IQGAP1: variants seen among roughly 807,000 people sequenced by gnomAD.
IQGAP1 encodes IQ motif containing GTPase activating protein 1.
Under a neutral mutation model 215.6 loss-of-function variants are expected in IQGAP1, and 66 were observed. That is an observed-to-expected ratio of 0.31 (90% confidence interval 0.25 to 0.38). IQGAP1 has a LOEUF of 0.38. IQGAP1 is among the 10% of genes least tolerant of loss of function. The pLI, the probability that IQGAP1 is intolerant of heterozygous loss-of-function variation, is 1.00. For synonymous variants in IQGAP1, 772 were observed against 728.7 expected, an observed-to-expected ratio of 1.06 and a Z score of -0.96; for missense variants, 1,712 against 1,997.1, an observed-to-expected ratio of 0.86 and a Z score of 2.72.
intron 22 of IQGAP1, 88 bp downstream of exon 22, chr15:90,474,221 C>T (rs926314119): frequency 3.3e-6 from 4 of 1,218,350 alleles, no homozygotes; most frequent in Non-Finnish European, 4.6e-6. Flanking sequence ...TTTTGTTATC[C>T]TGAAGGCAAG....
At chr15:90,488,167 G>A (rs1336750476) in intron 33 of IQGAP1, among the ~76,000 whole-genome samples, 3 of 152,144 alleles carry the variant, frequency 2.0e-5, no homozygotes, top group African/African-American at 7.2e-5. Flanking sequence ...CCTGCATTGA[G>A]CCAAGATCGC....
chr15:90,415,827 G>C (rs1014115714), intron 2 of IQGAP1, among the ~76,000 whole-genome samples: 4 of 152,134 alleles, frequency 2.6e-5, no homozygotes, highest in African/African-American at 9.7e-5. Flanking sequence ...TGTCGTCCAT[G>C]CTGCTGTCCA....
chr15:90,460,659 G>C (rs563533172), intron 15 of IQGAP1, among the ~76,000 whole-genome samples: 23 of 152,168 alleles, frequency 1.5e-4, no homozygotes, highest in African/African-American at 5.3e-4. Context: ...TGTTTTTCTT[G>C]AATGCATTCT....
At chr15:90,426,953 CAAAA>C (rs56984277) in intron 3 of IQGAP1, among the ~76,000 whole-genome samples, 4 of 93,884 alleles carry the variant, frequency 4.3e-5, no homozygotes, top group Admixed American at 1.3e-4. Flanking sequence ...GACTCCATCT[CAAAA>C]AAAAAAAAAA....
At chr15:90,477,990 T>C in intron 26 of IQGAP1, 101 bp downstream of exon 26, 1 of 758,816 alleles carries the variant, frequency 1.3e-6, no homozygotes, top group Non-Finnish European at 2.1e-6. Flanking sequence ...CAAATAGTTT[T>C]TCTTTTCTTT....
chr15:90,465,901 C>A, intron 15 of IQGAP1, 100 bp from the exon 16 acceptor site: 1 of 904,874 alleles, frequency 1.1e-6, no homozygotes, highest in Non-Finnish European at 1.8e-6. Context: ...TAAGCCTGTT[C>A]TTCCATATTT....
chr15:90,499,307 T>A (rs1200028207), intron 37 of IQGAP1, among the ~76,000 whole-genome samples: 1 of 152,226 alleles, frequency 6.6e-6, no homozygotes, highest in Non-Finnish European at 1.5e-5. Context: ...TCATTTAACA[T>A]CTCTGAGTCT....
At chr15:90,421,680 A>G (rs1293993455) in intron 2 of IQGAP1, among the ~76,000 whole-genome samples, 5 of 152,154 alleles carry the variant, frequency 3.3e-5, no homozygotes, top group African/African-American at 9.7e-5. Context: ...AGGAGAATGA[A>G]TTCAGCCAGG....
intron 34 of IQGAP1, among the ~76,000 whole-genome samples, chr15:90,491,979 T>G (rs1966211942): frequency 6.6e-6 from 1 of 152,228 alleles, no homozygotes; most frequent in Admixed American, 6.5e-5. Context: ...TGGTAGTTGA[T>G]GTATTATAGT....
chr15:90,421,714 A>G (rs2151011990), intron 2 of IQGAP1, among the ~76,000 whole-genome samples: 1 of 152,320 alleles, frequency 6.6e-6, no homozygotes, highest in Non-Finnish European at 1.5e-5. Context: ...CTTTTAAGAC[A>G]GAGACTTGCT....
intron 3 of IQGAP1, 146 bp downstream of exon 3, chr15:90,426,412 G>A: frequency 1.2e-6 from 1 of 839,336 alleles, no homozygotes. Flanking sequence ...GCAGAATGGA[G>A]AAATTTGTGC....
chr15:90,468,063 TG>T (rs1965856108), intron 18 of IQGAP1, among the ~76,000 whole-genome samples: 1 of 149,296 alleles, frequency 6.7e-6, no homozygotes, highest in Non-Finnish European at 1.5e-5. Context: ...TTTGTTTGTT[TG>T]TTTGTTTTTT....
intron 15 of IQGAP1, among the ~76,000 whole-genome samples, chr15:90,460,378 A>C (rs1965744701): frequency 1.3e-5 from 2 of 151,726 alleles, no homozygotes; most frequent in Admixed American, 1.3e-4. Context: ...CTCATTCTCC[A>C]GCTTTTCCTT....
chr15:90,490,061 A>T (rs868794039), intron 33 of IQGAP1, among the ~76,000 whole-genome samples: 1 of 152,150 alleles, frequency 6.6e-6, no homozygotes, highest in Non-Finnish European at 1.5e-5. Context: ...TTGACATTAG[A>T]AAAAAGGGGA....
chr15:90,469,231 G>C (rs1287640303), intron 18 of IQGAP1, among the ~76,000 whole-genome samples: 1 of 151,982 alleles, frequency 6.6e-6, no homozygotes, highest in African/African-American at 2.4e-5. Context: ...TAGGTCGTTA[G>C]ACATATTACT....
intron 37 of IQGAP1, 71 bp from the exon 38 acceptor site, chr15:90,499,924 T>C: frequency 9.7e-7 from 1 of 1,030,780 alleles, no homozygotes; most frequent in Non-Finnish European, 1.5e-6. Flanking sequence ...CATTGTGTCC[T>C]TTTTCCTTGT....
chr15:90,428,801 A>G (rs575353684), intron 3 of IQGAP1, among the ~76,000 whole-genome samples: 1 of 152,260 alleles, frequency 6.6e-6, no homozygotes, highest in South Asian at 2.1e-4. Flanking sequence ...TGTTTCAAAA[A>G]AAAGCAGACA....
At chr15:90,433,050 C>T (rs1965324068) in intron 4 of IQGAP1, among the ~76,000 whole-genome samples, 1 of 152,120 alleles carries the variant, frequency 6.6e-6, no homozygotes. Flanking sequence ...GCCCTGCCTT[C>T]GTGTGGCTTA....
Position 90,495,574 on chromosome 15 carries a change from C to T in IQGAP1, c.4751+739C>T, listed in dbSNP as rs376043463. On this transcript the variant is annotated intron_variant, in intron 36 of 37. Transcript: ENST00000268182. The stretch of plus-strand genomic sequence containing the variant: ...ATTCACATAAAGATTATACACGACT[C>T]ACCCACTTATGTATTTAACTACTTT... Among the ~76,000 whole-genome samples the T allele has an allele frequency of 5.9e-5, 9 of 151,570 alleles. No individual in the cohort carries two copies. The East Asian group carries it at 1.7e-3, about 29-fold the overall frequency.
Sources: gnomAD v4.1 joint callset for allele counts (sites outside exome capture counted in the v4.1 genomes callset) on GRCh38, gnomAD v4.1.1 for gene constraint, MANE v1.5 for transcripts, NCBI Gene and HGNC (gene_info 2026-07-23, HGNC 2026-07-21) for gene names.